LINGO2: variants seen among roughly 807,000 people sequenced by gnomAD.
The protein encoded by LINGO2 is leucine rich repeat and Ig domain containing 2.
Under a neutral mutation model 30.6 loss-of-function variants are expected in LINGO2, and 14 were observed. That is an observed-to-expected ratio of 0.46 (90% confidence interval 0.30 to 0.72). LINGO2 has a LOEUF of 0.72. Among genes scored for constraint, LINGO2 ranks in the 30% least tolerant of loss-of-function variants. The probability of loss-of-function intolerance (pLI) is 0.07; values close to 1 mark genes in which losing one functional copy is unlikely to be tolerated. For synonymous variants in LINGO2, 317 were observed against 288.5 expected, an observed-to-expected ratio of 1.10 and a Z score of -1.00; for missense variants, 729 against 751.7, an observed-to-expected ratio of 0.97 and a Z score of 0.35.
At chr9:28,714,190 C>T in the LINGO2 span, among the ~76,000 whole-genome samples, 135 of 17,790 alleles carry the variant, frequency 7.6e-3, no homozygotes, top group African/African-American at 0.013. Context: ...TATATATATA[C>T]ACACATACAC....
chr9:28,670,685 T>C (rs1349134499), upstream of LINGO2, among the ~76,000 whole-genome samples: 5 of 152,170 alleles, frequency 3.3e-5, no homozygotes, highest in Admixed American at 3.3e-4. Context: ...CACTGGCTAC[T>C]TTAACCAAAT....
At chr9:29,184,814 T>C in the LINGO2 span, among the ~76,000 whole-genome samples, 4 of 151,858 alleles carry the variant, frequency 2.6e-5, no homozygotes, top group African/African-American at 7.3e-5. Context: ...ACCTTACACT[T>C]AAGCCCAAAT....
intron 1 of LINGO2, among the ~76,000 whole-genome samples, chr9:28,572,749 C>T (rs1037982910): frequency 2.0e-5 from 3 of 152,112 alleles, no homozygotes; most frequent in Non-Finnish European, 4.4e-5. Context: ...CAGACAACTA[C>T]TCCGCGTATA....
At chr9:29,102,041 A>C in the LINGO2 span, among the ~76,000 whole-genome samples, 35,829 of 151,524 alleles carry the variant, frequency 0.24, 4,361 homozygotes, top group East Asian at 0.41. Flanking sequence ...AGATAAAACT[A>C]TCACACGGAC....
intron 1 of LINGO2, among the ~76,000 whole-genome samples, chr9:28,489,326 C>T (rs1270146164): frequency 6.6e-6 from 1 of 152,060 alleles, no homozygotes; most frequent in East Asian, 1.9e-4. Flanking sequence ...TGGACCACCA[C>T]GCCTGGCTAA....
At chr9:28,627,057 AT>A (rs1241023760) in intron 1 of LINGO2, among the ~76,000 whole-genome samples, 1 of 151,340 alleles carries the variant, frequency 6.6e-6, no homozygotes, top group African/African-American at 2.4e-5. Flanking sequence ...GAGTTTGTGT[AT>A]TTTTTTAAGT....
At chr9:28,941,673 C>T in the LINGO2 span, among the ~76,000 whole-genome samples, 1 of 152,130 alleles carries the variant, frequency 6.6e-6, no homozygotes, top group African/African-American at 2.4e-5. Context: ...ACTATTTTTA[C>T]ACTCCCATAC....
intron 4 of LINGO2, among the ~76,000 whole-genome samples, chr9:28,206,064 C>T (rs1309987284): frequency 6.8e-6 from 1 of 146,334 alleles, no homozygotes. Flanking sequence ...ACTCAGGAGG[C>T]TGAGGTGGGA....
At chr9:28,909,832 G>A in the LINGO2 span, among the ~76,000 whole-genome samples, 1 of 151,994 alleles carries the variant, frequency 6.6e-6, no homozygotes, top group Non-Finnish European at 1.5e-5. Context: ...ATATTAAAGA[G>A]TGAAAAACAT....
intron 2 of LINGO2, among the ~76,000 whole-genome samples, chr9:28,436,356 C>T (rs1823920309): frequency 6.6e-6 from 1 of 152,028 alleles, no homozygotes; most frequent in Admixed American, 6.5e-5. Context: ...TACCTGGAGA[C>T]GGTGATTGTC....
chr9:29,154,769 T>C, the LINGO2 span, among the ~76,000 whole-genome samples: 4 of 152,194 alleles, frequency 2.6e-5, no homozygotes, highest in African/African-American at 9.7e-5. Context: ...GCTGCTACTA[T>C]AATATCACTA....
chr9:28,612,388 A>G (rs767680658), intron 1 of LINGO2, among the ~76,000 whole-genome samples: 31 of 152,120 alleles, frequency 2.0e-4, no homozygotes, highest in Non-Finnish European at 3.2e-4. Context: ...TCTACTGACA[A>G]ACATTAATGT....
At chr9:28,265,627 G>GA (rs1394126079) in intron 4 of LINGO2, among the ~76,000 whole-genome samples, 1 of 151,912 alleles carries the variant, frequency 6.6e-6, no homozygotes, top group Non-Finnish European at 1.5e-5. Flanking sequence ...AAATGGAGCT[G>GA]AAAAAAGATG....
intron 4 of LINGO2, among the ~76,000 whole-genome samples, chr9:28,025,238 C>T (rs1244452574): frequency 6.6e-6 from 1 of 152,154 alleles, no homozygotes; most frequent in African/African-American, 2.4e-5. Context: ...GTTTCTGATG[C>T]TGAGAAGACC....
At chr9:28,677,641 C>T in the LINGO2 span, among the ~76,000 whole-genome samples, 1 of 152,048 alleles carries the variant, frequency 6.6e-6, no homozygotes, top group Non-Finnish European at 1.5e-5. Flanking sequence ...TCACATAATC[C>T]CTTGAGCCCT....
the LINGO2 span, among the ~76,000 whole-genome samples, chr9:28,739,592 A>G: frequency 2.0e-4 from 30 of 152,050 alleles, no homozygotes; most frequent in African/African-American, 6.7e-4. Context: ...AGTTATGAGG[A>G]CCCTACTATA....
intron 4 of LINGO2, among the ~76,000 whole-genome samples, chr9:28,078,713 G>C (rs1359866768): frequency 2.7e-5 from 4 of 147,830 alleles, no homozygotes; most frequent in Non-Finnish European, 5.9e-5. Context: ...GGGTGTGGTA[G>C]TACATGCCTG....
At chr9:28,536,323 A>AT (rs1821435863) in intron 1 of LINGO2, among the ~76,000 whole-genome samples, 2 of 152,076 alleles carry the variant, frequency 1.3e-5, no homozygotes, top group Admixed American at 1.3e-4. Flanking sequence ...CTAGTTAGGG[A>AT]TTTTTACCCC....
At chr9:28,682,802 A>G in the LINGO2 span, among the ~76,000 whole-genome samples, 1 of 152,154 alleles carries the variant, frequency 6.6e-6, no homozygotes, top group Non-Finnish European at 1.5e-5. Flanking sequence ...GAATTTATGC[A>G]GAGTTAAATA....
Sources: gnomAD v4.1 joint callset for allele counts (sites outside exome capture counted in the v4.1 genomes callset) on GRCh38, gnomAD v4.1.1 for gene constraint, MANE v1.5 for transcripts, NCBI Gene and HGNC (gene_info 2026-07-23, HGNC 2026-07-21) for gene names.